KCNIP4: variants seen among roughly 807,000 people sequenced by gnomAD.
KCNIP4 encodes Kv channel-interacting protein 4.
In KCNIP4, 12 loss-of-function variants were observed where a neutral mutation model predicts 34.0. The observed-to-expected ratio is 0.35, with a 90% CI of 0.23 to 0.57. The LOEUF is 0.57. KCNIP4 is among the 20% of genes least tolerant of loss of function. The probability of loss-of-function intolerance (pLI) is 0.83; values close to 1 mark genes in which losing one functional copy is unlikely to be tolerated. For missense variants in KCNIP4, 238 were observed against 311.7 expected, an observed-to-expected ratio of 0.76 and a Z score of 1.78; for synonymous variants, 124 against 102.2, an observed-to-expected ratio of 1.21 and a Z score of -1.29.
At chr4:20,966,329 A>G (rs1263091946) in intron 1 of KCNIP4, among the ~76,000 whole-genome samples, 1 of 152,234 alleles carries the variant, frequency 6.6e-6, no homozygotes, top group Non-Finnish European at 1.5e-5. Flanking sequence ...TTGCTGACGT[A>G]TAAAGTCACA....
intron 1 of KCNIP4, among the ~76,000 whole-genome samples, chr4:21,384,805 G>A (rs971435783): frequency 2.0e-5 from 3 of 152,182 alleles, no homozygotes; most frequent in Admixed American, 6.6e-5. Context: ...AGATAGTTTG[G>A]GAGGTAATGA....
At chr4:21,334,821 T>C (rs891265356) in intron 1 of KCNIP4, among the ~76,000 whole-genome samples, 12 of 152,156 alleles carry the variant, frequency 7.9e-5, no homozygotes, top group Non-Finnish European at 1.6e-4. Flanking sequence ...AGTCCAACTC[T>C]GTGGTAGCAT....
chr4:20,808,328 T>C (rs979046109), intron 3 of KCNIP4, among the ~76,000 whole-genome samples: 6 of 152,160 alleles, frequency 3.9e-5, no homozygotes, highest in African/African-American at 1.4e-4. Flanking sequence ...CCTCTGTCCA[T>C]GTGATGCAAA....
intron 1 of KCNIP4, among the ~76,000 whole-genome samples, chr4:21,709,743 G>A (rs1713572400): frequency 6.6e-6 from 1 of 152,142 alleles, no homozygotes; most frequent in African/African-American, 2.4e-5. Context: ...AGGAATAGTA[G>A]AGGCAATGGT....
chr4:21,051,214 A>C (rs375006666), intron 1 of KCNIP4, among the ~76,000 whole-genome samples: 1 of 152,340 alleles, frequency 6.6e-6, no homozygotes, highest in South Asian at 2.1e-4. Flanking sequence ...ACTTATTTTC[A>C]CATCCATGTC....
Position 21,286,222 on chromosome 4 carries a change from TAG to T in KCNIP4, c.62-403515_62-403514del, listed in dbSNP as rs1560253691. Among the ~76,000 whole-genome samples the T allele has an allele frequency of 3.7e-3, 566 of 152,322 alleles. 2 individuals carry two copies. The highest frequency in any genetic ancestry group is 0.012 in the African/African-American group (494 of 41,576). ...AAGAGGTCTGAATACTTGGAGTAAA[TAG>T]AATGTTTGATTGGACAACATTGTGT... On this transcript the variant is annotated intron_variant, in intron 1 of 8. Transcript: ENST00000382152.
chr4:20,976,350 A>G (rs1247870303), intron 1 of KCNIP4, among the ~76,000 whole-genome samples: 1 of 152,196 alleles, frequency 6.6e-6, no homozygotes, highest in African/African-American at 2.4e-5. Context: ...AACTCAAGAA[A>G]CTGGAACATG....
intron 1 of KCNIP4, among the ~76,000 whole-genome samples, chr4:21,754,532 T>G (rs1478208809): frequency 6.6e-6 from 1 of 152,128 alleles, no homozygotes; most frequent in Non-Finnish European, 1.5e-5. Context: ...AAATTCACAC[T>G]TAAGGAGGAT....
At chr4:21,278,378 G>A (rs1025457432) in intron 1 of KCNIP4, among the ~76,000 whole-genome samples, 1 of 151,948 alleles carries the variant, frequency 6.6e-6, no homozygotes, top group Non-Finnish European at 1.5e-5. Flanking sequence ...GTAGGCCCCA[G>A]TGTCTATTGT....
At chr4:21,935,260 TC>T (rs1355796096) in intron 1 of KCNIP4, among the ~76,000 whole-genome samples, 1 of 152,126 alleles carries the variant, frequency 6.6e-6, no homozygotes, top group Non-Finnish European at 1.5e-5. Flanking sequence ...CAATGACCTT[TC>T]CACCTGGAAA....
At chr4:21,707,766 C>T (rs750741557) in intron 1 of KCNIP4, among the ~76,000 whole-genome samples, 1 of 152,016 alleles carries the variant, frequency 6.6e-6, no homozygotes, top group Non-Finnish European at 1.5e-5. Context: ...GATTCTGTGT[C>T]AGCATCCAGG....
chr4:21,331,850 T>A (rs2109325644), intron 1 of KCNIP4, among the ~76,000 whole-genome samples: 1 of 152,180 alleles, frequency 6.6e-6, no homozygotes, highest in South Asian at 2.1e-4. Context: ...TGTTTCATAT[T>A]TCACAGTAAT....
intron 1 of KCNIP4, among the ~76,000 whole-genome samples, chr4:21,754,691 G>A (rs533741371): frequency 6.6e-6 from 1 of 152,230 alleles, no homozygotes; most frequent in South Asian, 2.1e-4. Flanking sequence ...AATAGTAGAA[G>A]CTTCCCTAAA....
chr4:20,935,042 TTCCATGTC>T (rs1730912335), intron 1 of KCNIP4, among the ~76,000 whole-genome samples: 1 of 152,182 alleles, frequency 6.6e-6, no homozygotes. Flanking sequence ...ATGTCCACCT[TTCCATGTC>T]TCCATGTCTC....
intron 5 of KCNIP4, among the ~76,000 whole-genome samples, chr4:20,742,666 G>A (rs1751416258): frequency 6.6e-6 from 1 of 152,178 alleles, no homozygotes; most frequent in African/African-American, 2.4e-5. Context: ...AGACAGGGAT[G>A]CCCTCTCTCA....
chr4:21,455,834 T>C (rs549570675), intron 1 of KCNIP4, among the ~76,000 whole-genome samples: 1 of 114,706 alleles, frequency 8.7e-6, no homozygotes, highest in African/African-American at 4.4e-5. Context: ...TATATATATA[T>C]ATATATATAT....
At chr4:21,304,049 GAGAGAGAGAGAGAGAGAGAC>G (rs59118185) in intron 1 of KCNIP4, 6,808 of 535,220 alleles carry the variant, frequency 0.013, 125 homozygotes, top group African/African-American at 0.11. Flanking sequence ...GAGAGAGAGA[GAGAGAGAGAGAGAGAGAGAC>G]AGAGAGAGAG....
At chr4:21,175,727 A>G (rs1316585319) in intron 1 of KCNIP4, among the ~76,000 whole-genome samples, 2 of 152,174 alleles carry the variant, frequency 1.3e-5, no homozygotes, top group Non-Finnish European at 2.9e-5. Context: ...CCCAAGCAGG[A>G]AAGAGTGGGC....
At chr4:21,528,768 AAAGAAAGAAAGGAAGAAAGG>A (rs1415897935) in intron 1 of KCNIP4, among the ~76,000 whole-genome samples, 4 of 10,034 alleles carry the variant, frequency 4.0e-4, no homozygotes, top group African/African-American at 4.2e-4. Context: ...AGAAAGAAAG[AAAGAAAGAAAGGAAGAAAGG>A]AAGAAAGGAA....
Sources: gnomAD v4.1 joint callset for allele counts (sites outside exome capture counted in the v4.1 genomes callset) on GRCh38, gnomAD v4.1.1 for gene constraint, MANE v1.5 for transcripts, NCBI Gene and HGNC (gene_info 2026-07-23, HGNC 2026-07-21) for gene names.